The following KIAA1217 variants were observed in gnomAD, a reference collection of about 807,000 sequenced individuals.
KIAA1217 encodes KIAA1217.
A neutral mutation model predicts 163.9 loss-of-function variants in KIAA1217; 88 were observed. That is an observed-to-expected ratio of 0.54 (90% CI 0.45 to 0.64). The LOEUF (loss-of-function observed/expected upper bound fraction) is 0.64. Ranked by LOEUF, KIAA1217 falls within the 30% of genes least tolerant of loss-of-function variation. The pLI, the probability that KIAA1217 is intolerant of heterozygous loss-of-function variation, is 0.00. For missense variants in KIAA1217, 2,372 were observed against 2,475.0 expected (o/e 0.96, Z 0.88); for synonymous variants, 903 against 923.1 (o/e 0.98, Z 0.39).
At chr10:24,256,350 A>G (rs1163142537) in intron 2 of KIAA1217, among the ~76,000 whole-genome samples, 1 of 152,192 alleles carries the variant, frequency 6.6e-6, no homozygotes, top group East Asian at 1.9e-4. Context: ...TCCCATGAGG[A>G]AAATGTTTTG....
intron 1 of KIAA1217, among the ~76,000 whole-genome samples, chr10:23,747,020 G>A (rs1037071378): frequency 1.2e-4 from 18 of 152,126 alleles, no homozygotes; most frequent in African/African-American, 4.1e-4. Flanking sequence ...AGGTAAAGAA[G>A]AAACTAGAAA....
intron 2 of KIAA1217, among the ~76,000 whole-genome samples, chr10:24,316,541 C>T (rs1243827613): frequency 6.6e-6 from 1 of 152,140 alleles, no homozygotes; most frequent in Non-Finnish European, 1.5e-5. Context: ...GACCCATGTC[C>T]ACCCCTAGTG....
rs143701929 is a variant in KIAA1217 at position 24,235,350 on chromosome 10, A to G, written c.354+15441A>G. ...TGGATAATTTCTAAAAACAAGTAAC[A>G]ACTACAATCAAACACAGAGCCAAAG... On this transcript the variant is annotated intron_variant, in intron 2 of 20. Transcript: ENST00000376454. Among the ~76,000 whole-genome samples, 820 of 152,348 alleles carry G rather than the reference A, an allele frequency of 5.4e-3. 9 individuals carry two copies. The highest frequency in any genetic ancestry group is 0.019 in the African/African-American group (784 of 41,582).
At chr10:23,851,519 C>T (rs899073730) in intron 1 of KIAA1217, among the ~76,000 whole-genome samples, 63 of 152,112 alleles carry the variant, frequency 4.1e-4, no homozygotes, top group African/African-American at 1.4e-3. Flanking sequence ...GTCCTTTGGG[C>T]ATATACCCAG....
At chr10:24,356,244 C>T (rs887202759) in intron 2 of KIAA1217, among the ~76,000 whole-genome samples, 1 of 152,154 alleles carries the variant, frequency 6.6e-6, no homozygotes, top group Admixed American at 6.5e-5. Flanking sequence ...ATGATTATTG[C>T]CATTCTGCAG....
At chr10:23,922,256 G>A (rs973580074) in intron 1 of KIAA1217, among the ~76,000 whole-genome samples, 3 of 152,208 alleles carry the variant, frequency 2.0e-5, no homozygotes, top group Non-Finnish European at 2.9e-5. Context: ...CATCCCCAGA[G>A]AGGGTATAAA....
chr10:24,467,413 G>A (rs932589987), intron 5 of KIAA1217, among the ~76,000 whole-genome samples: 3 of 152,168 alleles, frequency 2.0e-5, no homozygotes, highest in African/African-American at 7.2e-5. Flanking sequence ...AGAAAAGACA[G>A]TGCCTAGCCA....
chr10:24,004,668 C>T (rs1564603766), intron 1 of KIAA1217, among the ~76,000 whole-genome samples: 1 of 152,222 alleles, frequency 6.6e-6, no homozygotes, highest in African/African-American at 2.4e-5. Context: ...TGTCCTGTTG[C>T]AGTGCCCACA....
chr10:24,078,553 C>T (rs890143345), intron 2 of KIAA1217, among the ~76,000 whole-genome samples: 1 of 152,142 alleles, frequency 6.6e-6, no homozygotes, highest in African/African-American at 2.4e-5. Flanking sequence ...ATACTTGGGC[C>T]CTAATCTTGG....
intron 1 of KIAA1217, among the ~76,000 whole-genome samples, chr10:23,725,152 C>G (rs544929522): frequency 6.6e-6 from 1 of 152,226 alleles, no homozygotes; most frequent in Non-Finnish European, 1.5e-5. Context: ...CCCTTCTAAA[C>G]CACATATGGA....
chr10:24,506,405 T>A (rs1262420065), intron 9 of KIAA1217, among the ~76,000 whole-genome samples: 1 of 152,224 alleles, frequency 6.6e-6, no homozygotes, highest in Non-Finnish European at 1.5e-5. Flanking sequence ...GTTGGGGGAA[T>A]TAGGTTTAGG....
intron 1 of KIAA1217, among the ~76,000 whole-genome samples, chr10:23,914,952 A>C (rs774286827): frequency 6.6e-6 from 1 of 152,106 alleles, no homozygotes; most frequent in South Asian, 2.1e-4. Context: ...GAGTCACTAG[A>C]TCTATTGATT....
intron 2 of KIAA1217, among the ~76,000 whole-genome samples, chr10:24,144,432 G>A (rs759727857): frequency 8.5e-5 from 13 of 152,174 alleles, no homozygotes; most frequent in Non-Finnish European, 1.3e-4. Flanking sequence ...TGTTTATAAG[G>A]CACACACATC....
chr10:24,033,199 A>T (rs1318948307), intron 2 of KIAA1217, among the ~76,000 whole-genome samples: 1 of 152,230 alleles, frequency 6.6e-6, no homozygotes, highest in Non-Finnish European at 1.5e-5. Flanking sequence ...AAATAAAAAA[A>T]TGCTTTTTAA....
At chr10:24,410,988 T>C (rs940538466) in intron 3 of KIAA1217, among the ~76,000 whole-genome samples, 1 of 152,202 alleles carries the variant, frequency 6.6e-6, no homozygotes, top group Non-Finnish European at 1.5e-5. Context: ...CTCAGTGTTA[T>C]GTTCTTTTTT....
At chr10:24,076,960 G>A (rs1210736989) in intron 2 of KIAA1217, among the ~76,000 whole-genome samples, 1 of 148,996 alleles carries the variant, frequency 6.7e-6, no homozygotes, top group Non-Finnish European at 1.5e-5. Context: ...CACTGCAACT[G>A]CCAGCTCCCA....
At chr10:23,922,584 G>T (rs1395337372) in intron 1 of KIAA1217, among the ~76,000 whole-genome samples, 1 of 152,182 alleles carries the variant, frequency 6.6e-6, no homozygotes, top group Non-Finnish European at 1.5e-5. Context: ...GTGTTAGAAT[G>T]AAACTAAATT....
intron 2 of KIAA1217, among the ~76,000 whole-genome samples, chr10:24,296,155 G>A (rs1431666234): frequency 6.6e-6 from 1 of 152,060 alleles, no homozygotes; most frequent in Admixed American, 6.6e-5. Context: ...CCAGGCTGGA[G>A]TGCAGTGGCA....
intron 1 of KIAA1217, among the ~76,000 whole-genome samples, chr10:23,830,207 T>C (rs534885092): frequency 1.3e-4 from 20 of 152,296 alleles, no homozygotes; most frequent in African/African-American, 4.6e-4. Flanking sequence ...AGCAGTTCTT[T>C]TTGCTCCCTT....
Sources: gnomAD v4.1 joint callset for allele counts (sites outside exome capture counted in the v4.1 genomes callset) on GRCh38, gnomAD v4.1.1 for gene constraint, MANE v1.5 for transcripts, NCBI Gene and HGNC (gene_info 2026-07-23, HGNC 2026-07-21) for gene names.